The following CNTNAP5 variants were observed in gnomAD, a reference collection of about 807,000 sequenced individuals.
CNTNAP5 encodes contactin-associated protein-like 5.
CNTNAP5 carries 72 observed loss-of-function variants against 150.2 expected under a neutral mutation model. The observed-to-expected ratio is 0.48, with a 90% CI of 0.40 to 0.58. The LOEUF (loss-of-function observed/expected upper bound fraction) is 0.58, where lower values mean the gene tolerates loss of function less well. CNTNAP5 is among the 20% of genes least tolerant of loss of function. The probability of loss-of-function intolerance (pLI) is 0.00; values close to 1 mark genes in which losing one functional copy is unlikely to be tolerated. For synonymous variants in CNTNAP5, 672 were observed against 619.8 expected (o/e 1.08, Z -1.25); for missense variants, 1,636 against 1,626.2 (o/e 1.01, Z -0.10).
chr2:124,157,986 A>T (rs1684584472), intron 1 of CNTNAP5, among the ~76,000 whole-genome samples: 1 of 152,232 alleles, frequency 6.6e-6, no homozygotes, highest in Non-Finnish European at 1.5e-5. Context: ...TTGGACAGCC[A>T]TAACTCTGTT....
chr2:124,213,081 G>A (rs1246293754), intron 1 of CNTNAP5, among the ~76,000 whole-genome samples: 2 of 151,904 alleles, frequency 1.3e-5, no homozygotes, highest in Non-Finnish European at 2.9e-5. Flanking sequence ...CTCGTGATCC[G>A]CCTGCCTTGG....
At chr2:124,618,356 C>G (rs1677534393) in intron 12 of CNTNAP5, among the ~76,000 whole-genome samples, 1 of 152,110 alleles carries the variant, frequency 6.6e-6, no homozygotes, top group Non-Finnish European at 1.5e-5. Context: ...ATCTTGAGGA[C>G]AGTGGATCTC....
At chr2:124,809,941 A>G (rs922119321) in intron 19 of CNTNAP5, among the ~76,000 whole-genome samples, 18 of 152,268 alleles carry the variant, frequency 1.2e-4, no homozygotes, top group Non-Finnish European at 2.5e-4. Context: ...TCTCCTAAAG[A>G]TAGATGAATC....
chr2:124,702,060 T>A (rs1050445284), intron 13 of CNTNAP5, among the ~76,000 whole-genome samples: 4 of 152,056 alleles, frequency 2.6e-5, no homozygotes, highest in African/African-American at 9.7e-5. Flanking sequence ...CTATTTTTAT[T>A]TTCCTTCAAC....
At chr2:124,894,847 C>G (rs192285852) in intron 21 of CNTNAP5, among the ~76,000 whole-genome samples, 5 of 151,456 alleles carry the variant, frequency 3.3e-5, no homozygotes, top group African/African-American at 1.2e-4. Context: ...GCCACAGCAC[C>G]TAGCCTTCAA....
At chr2:124,342,767 G>A (rs1689649185) in intron 3 of CNTNAP5, among the ~76,000 whole-genome samples, 1 of 152,050 alleles carries the variant, frequency 6.6e-6, no homozygotes, top group Admixed American at 6.6e-5. Context: ...AAGTTTAAAA[G>A]AAAAACAAAG....
At chr2:124,280,522 C>T (rs1397615685) in intron 3 of CNTNAP5, among the ~76,000 whole-genome samples, 1 of 152,046 alleles carries the variant, frequency 6.6e-6, no homozygotes, top group Non-Finnish European at 1.5e-5. Flanking sequence ...TGGCACAAGG[C>T]TGTTCGTTGT....
chr2:124,374,766 G>A (rs1431801878), intron 3 of CNTNAP5, among the ~76,000 whole-genome samples: 1 of 151,998 alleles, frequency 6.6e-6, no homozygotes, highest in Non-Finnish European at 1.5e-5. Flanking sequence ...CACAACCAGG[G>A]ATTCTTGGAG....
At chr2:124,526,313 T>A (rs979258448) in intron 9 of CNTNAP5, among the ~76,000 whole-genome samples, 1 of 152,130 alleles carries the variant, frequency 6.6e-6, no homozygotes, top group African/African-American at 2.4e-5. Flanking sequence ...TTACATAAAT[T>A]CTCTCTACAG....
chr2:124,187,003 T>C (rs968645584), intron 1 of CNTNAP5, among the ~76,000 whole-genome samples: 1 of 152,078 alleles, frequency 6.6e-6, no homozygotes, highest in Admixed American at 6.6e-5. Flanking sequence ...AGACATGAGT[T>C]TGGGGCCTGA....
chr2:124,391,879 T>C (rs60900779), intron 3 of CNTNAP5, among the ~76,000 whole-genome samples: 15,899 of 151,848 alleles, frequency 0.1, 1,223 homozygotes, highest in African/African-American at 0.22. Flanking sequence ...TGGAGTGAAC[T>C]CGGGAAGCGG....
intron 1 of CNTNAP5, among the ~76,000 whole-genome samples, chr2:124,053,470 A>G (rs1010060934): frequency 1.4e-4 from 22 of 152,216 alleles, no homozygotes; most frequent in African/African-American, 5.3e-4. Flanking sequence ...AGAACATGAG[A>G]GACATGAGGC....
chr2:124,786,336 A>AAAGAAAGAAAGGAAGGAAGG (rs1558774911), intron 17 of CNTNAP5, among the ~76,000 whole-genome samples: 1 of 119,194 alleles, frequency 8.4e-6, no homozygotes, highest in African/African-American at 3.6e-5. Flanking sequence ...AAAGAAAGAG[A>AAAGAAAGAAAGGAAGGAAGG]AAGAAAGAAA....
At chr2:124,623,646 G>A (rs1477807162) in intron 12 of CNTNAP5, among the ~76,000 whole-genome samples, 2 of 152,178 alleles carry the variant, frequency 1.3e-5, no homozygotes, top group Admixed American at 1.3e-4. Context: ...CAGTCACAGA[G>A]AAGGTGGGAA....
intron 21 of CNTNAP5, among the ~76,000 whole-genome samples, chr2:124,890,160 A>G (rs147795154): frequency 1.3e-5 from 2 of 152,116 alleles, no homozygotes; most frequent in Admixed American, 1.3e-4. Context: ...TTGGTGCTCT[A>G]TCATAGCCCC....
intron 6 of CNTNAP5, among the ~76,000 whole-genome samples, chr2:124,454,038 T>C (rs762745224): frequency 1.3e-5 from 2 of 152,176 alleles, no homozygotes; most frequent in Admixed American, 6.5e-5. Flanking sequence ...AATGAAATTT[T>C]ACCTCACATC....
chr2:124,396,455 C>T (rs952743309), intron 3 of CNTNAP5, among the ~76,000 whole-genome samples: 9 of 152,136 alleles, frequency 5.9e-5, no homozygotes, highest in Non-Finnish European at 1.0e-4. Flanking sequence ...CTAATCAATT[C>T]ACAGTTCTAG....
At chr2:124,138,325 A>G (rs138200429) in intron 1 of CNTNAP5, among the ~76,000 whole-genome samples, 187 of 152,348 alleles carry the variant, frequency 1.2e-3, no homozygotes, top group African/African-American at 4.2e-3. Flanking sequence ...TCTTAAACAC[A>G]TTCGTACCAT....
At chr2:124,221,873 G>A (rs758295774) in intron 2 of CNTNAP5, 64 bp downstream of exon 2, 1 of 1,032,794 alleles carries the variant, frequency 9.7e-7, no homozygotes, top group Non-Finnish European at 1.5e-6. Context: ...GTAGGTGAAG[G>A]AGAGTGAGCA....
Sources: allele counts gnomAD v4.1 joint callset (sites outside exome capture counted in the v4.1 genomes callset), GRCh38; gene constraint gnomAD v4.1.1; transcripts MANE v1.5; gene names NCBI Gene and HGNC (gene_info 2026-07-23, HGNC 2026-07-21).